The following SERGEF variants were observed in gnomAD, a reference collection of about 807,000 sequenced individuals.
SERGEF encodes the protein secretion regulating guanine nucleotide exchange factor.
SERGEF carries 51 observed loss-of-function variants against 50.0 expected under a neutral mutation model. That is an observed-to-expected ratio of 1.02 (90% CI 0.81 to 1.29). The LOEUF (loss-of-function observed/expected upper bound fraction) is 1.29. SERGEF is among the 50% of genes most tolerant of loss of function. SERGEF has a pLI of 0.00. For missense variants in SERGEF, 521 were observed against 557.0 expected, an observed-to-expected ratio of 0.94 and a Z score of 0.65; for synonymous variants, 205 against 212.4, an observed-to-expected ratio of 0.97 and a Z score of 0.30.
chr11:17,962,863 C>T (rs369272093), intron 8 of SERGEF, among the ~76,000 whole-genome samples: 32 of 151,998 alleles, frequency 2.1e-4, no homozygotes, highest in African/African-American at 7.7e-4. Flanking sequence ...GCAGGAGCAG[C>T]GTGAGGGGAT....
intron 10 of SERGEF, among the ~76,000 whole-genome samples, chr11:17,842,859 T>G (rs11602291): frequency 1.1e-4 from 17 of 152,300 alleles, no homozygotes; most frequent in South Asian, 1.0e-3. Flanking sequence ...GAGACTTTTA[T>G]GAAAAGCAGC....
chr11:17,883,939 C>T (rs902796615), intron 9 of SERGEF, among the ~76,000 whole-genome samples: 1 of 152,046 alleles, frequency 6.6e-6, no homozygotes, highest in African/African-American at 2.4e-5. Context: ...ACATTCTAAA[C>T]GGGGAAATCG....
At position 17,901,511 on chromosome 11, in the gene SERGEF, A is replaced by G. The variant is rs553661422; in HGVS notation, c.1012-23267T>C. The stretch of plus-strand genomic sequence containing the variant: ...TCCCACCACATCTTCCACCACAAGA[A>G]GTCCATGCTCCAACCAAAGTGGACT... On this transcript the variant is annotated intron_variant, in intron 9 of 10. Coordinates refer to ENST00000265965, the MANE Select transcript of SERGEF (RefSeq NM_012139.4). Among the ~76,000 whole-genome samples, 11 of 152,320 alleles carry G rather than the reference A, an allele frequency of 7.2e-5. No homozygotes were observed. In the South Asian group the frequency reaches 2.1e-3, roughly 29 times the overall value.
intron 9 of SERGEF, among the ~76,000 whole-genome samples, chr11:17,908,450 A>G (rs973854968): frequency 6.6e-6 from 1 of 152,188 alleles, no homozygotes; most frequent in Non-Finnish European, 1.5e-5. Flanking sequence ...CAGTTCAGAC[A>G]TGATCCCCTC....
chr11:17,820,616 A>G (rs886244241), intron 10 of SERGEF, among the ~76,000 whole-genome samples: 5 of 152,254 alleles, frequency 3.3e-5, no homozygotes, highest in Non-Finnish European at 7.3e-5. Flanking sequence ...CAAAGACCTT[A>G]CAATCTTGGA....
intron 10 of SERGEF, chr11:17,855,668 T>C (rs1449635630): frequency 6.6e-6 from 1 of 152,192 alleles, no homozygotes; most frequent in Non-Finnish European, 1.5e-5. Flanking sequence ...GAATTTTCCA[T>C]TGAGTATTTT....
At chr11:17,931,153 A>G (rs190768323) in intron 9 of SERGEF, among the ~76,000 whole-genome samples, 1 of 152,270 alleles carries the variant, frequency 6.6e-6, no homozygotes, top group Admixed American at 6.5e-5. Context: ...TCTTATTTTA[A>G]ATAAGATTAG....
intron 10 of SERGEF, among the ~76,000 whole-genome samples, chr11:17,859,007 C>G (rs1052393771): frequency 6.6e-6 from 1 of 152,098 alleles, no homozygotes; most frequent in African/African-American, 2.4e-5. Context: ...TGAACCCAAC[C>G]AGAAGCCAGA....
intron 9 of SERGEF, among the ~76,000 whole-genome samples, chr11:17,921,379 C>T (rs1479026516): frequency 6.6e-6 from 1 of 152,150 alleles, no homozygotes; most frequent in Non-Finnish European, 1.5e-5. Context: ...CAATCCAAGG[C>T]CATTGTGAAA....
rs530010108 is a variant in SERGEF, at chr11:17,955,761, G to A, written c.1011+3709C>T. Reference sequence around the variant, plus strand: ...ACGTAAACTGGAATAGGAGGGCTTGGGGACAAGAAACAAGGGCAGAGAATA... The same window carrying A: ...ACGTAAACTGGAATAGGAGGGCTTGAGGACAAGAAACAAGGGCAGAGAATA... On this transcript the variant is annotated intron_variant, in intron 9 of 10. Transcript: ENST00000265965. 1.1e-4 allele frequency among the ~76,000 whole-genome samples: 16 copies of A among 152,294 alleles called. No individual in the cohort carries two copies. The South Asian group carries it at 2.9e-3, about 28-fold the overall frequency.
intron 10 of SERGEF, among the ~76,000 whole-genome samples, chr11:17,828,331 T>C (rs551219035): frequency 6.6e-6 from 1 of 152,232 alleles, no homozygotes; most frequent in African/African-American, 2.4e-5. Context: ...TACGCATTCA[T>C]GTGAGCTCCA....
chr11:17,896,906 GGGAAGGGA>G, intron 9 of SERGEF, among the ~76,000 whole-genome samples: 1 of 92,098 alleles, frequency 1.1e-5, no homozygotes, highest in Non-Finnish European at 2.4e-5. Flanking sequence ...GGGAAGGGAA[GGGAAGGGA>G]AGGGAAGGGA....
At chr11:17,859,916 T>C (rs1850896229) in intron 10 of SERGEF, among the ~76,000 whole-genome samples, 1 of 152,204 alleles carries the variant, frequency 6.6e-6, no homozygotes, top group African/African-American at 2.4e-5. Context: ...ACTCCTCTTT[T>C]CCGGGAAAGG....
intron 10 of SERGEF, among the ~76,000 whole-genome samples, chr11:17,835,381 A>ATTC (rs1268475193): frequency 6.6e-6 from 1 of 152,146 alleles, no homozygotes; most frequent in Non-Finnish European, 1.5e-5. Flanking sequence ...CTCCGTCTAA[A>ATTC]TTCTGAGCCC....
At chr11:17,963,006 AC>A (rs1417821585) in intron 8 of SERGEF, among the ~76,000 whole-genome samples, 1 of 151,762 alleles carries the variant, frequency 6.6e-6, no homozygotes, top group African/African-American at 2.4e-5. Flanking sequence ...ACATGGTGAA[AC>A]CCCGTCTCTA....
intron 9 of SERGEF, among the ~76,000 whole-genome samples, chr11:17,886,294 C>G (rs493767): frequency 0.61 from 92,746 of 151,950 alleles, 28,647 homozygotes; most frequent in Non-Finnish European, 0.66. Context: ...TAAGCATTAG[C>G]AACTGGCATA....
chr11:17,914,207 A>G (rs1007897299), intron 9 of SERGEF, among the ~76,000 whole-genome samples: 14 of 152,076 alleles, frequency 9.2e-5, no homozygotes, highest in Admixed American at 7.2e-4. Flanking sequence ...TCTTGTCCAA[A>G]TCTTACGGAT....
rs540780750 is a variant in SERGEF, at chr11:17,998,097, T to C, written c.509-2188A>G. On this transcript the variant is annotated intron_variant, in intron 5 of 10. Transcript: ENST00000265965. ...AAAAGAAAGAAAGACTTGTGATACA[T>C]ATCAACTAATTACAATATGTAGACC... Among the ~76,000 whole-genome samples, 30 of 152,122 alleles carry C rather than the reference T, an allele frequency of 2.0e-4. No homozygotes were observed. In the Middle Eastern group the frequency reaches 0.01, roughly 52 times the overall value.
At chr11:17,898,238 G>A (rs1851682978) in intron 9 of SERGEF, among the ~76,000 whole-genome samples, 1 of 152,224 alleles carries the variant, frequency 6.6e-6, no homozygotes, top group East Asian at 1.9e-4. Flanking sequence ...GCTCTAAAGT[G>A]AAGCTGTGAA....
Sources: allele counts gnomAD v4.1 joint callset (sites outside exome capture counted in the v4.1 genomes callset), GRCh38; gene constraint gnomAD v4.1.1; transcripts MANE v1.5; gene names NCBI Gene and HGNC (gene_info 2026-07-23, HGNC 2026-07-21).